Variants in DMRT1 observed in about 807,000 individuals in gnomAD.
DMRT1 encodes doublesex and mab-3 related transcription factor 1, also known as doublesex- and mab-3-related transcription factor 1.
Under a neutral mutation model 32.3 loss-of-function variants are expected in DMRT1, and 7 were observed. The ratio of observed to expected loss-of-function variants is 0.22; its 90% confidence interval spans 0.12 to 0.41. The LOEUF is 0.41. DMRT1 is among the 10% of genes least tolerant of loss of function. The pLI is 1.00. For missense variants in DMRT1, 625 were observed against 500.5 expected, an observed-to-expected ratio of 1.25 and a Z score of -2.37; for synonymous variants, 278 against 206.1, an observed-to-expected ratio of 1.35 and a Z score of -2.99.
rs372179575 is a variant in DMRT1 at position 950,269 on chromosome 9, A to G, written c.968-17716A>G. Reference sequence around the variant, plus strand: ...AGCAAAATCATGATTATCTAGAGAGATACTTGGGCAACAGATTTGTGGATG... The same window carrying G: ...AGCAAAATCATGATTATCTAGAGAGGTACTTGGGCAACAGATTTGTGGATG... On this transcript the variant is annotated intron_variant, in intron 4 of 4. Coordinates refer to ENST00000382276, the MANE Select transcript of DMRT1 (RefSeq NM_021951.3). 1.9e-3 allele frequency among the ~76,000 whole-genome samples: 285 copies of G among 152,214 alleles called. 3 individuals are homozygous for G. Among genetic ancestry groups the G allele is most frequent in the African/African-American group, 6.6e-3 (274 of 41,532 alleles).
At chr9:928,302 G>T (rs966377093) in intron 4 of DMRT1, among the ~76,000 whole-genome samples, 3 of 152,144 alleles carry the variant, frequency 2.0e-5, no homozygotes, top group Non-Finnish European at 4.4e-5. Flanking sequence ...AAAATTCTCT[G>T]TTAAGTATAG....
intron 2 of DMRT1, among the ~76,000 whole-genome samples, chr9:886,137 C>T (rs1206440631): frequency 2.0e-5 from 3 of 152,140 alleles, no homozygotes; most frequent in South Asian, 2.1e-4. Context: ...TTTAAAAGTC[C>T]GTGTTACAGT....
chr9:876,246 G>T (rs1816494968), intron 2 of DMRT1, among the ~76,000 whole-genome samples: 2 of 152,158 alleles, frequency 1.3e-5, no homozygotes, highest in South Asian at 4.1e-4. Context: ...TGAACAAGAA[G>T]CCAGAATTTA....
chr9:870,284 A>G (rs1034793404), intron 2 of DMRT1, among the ~76,000 whole-genome samples: 1 of 152,162 alleles, frequency 6.6e-6, no homozygotes, highest in African/African-American at 2.4e-5. Context: ...CTGTAATCCC[A>G]GCTACTCGGG....
intron 3 of DMRT1, among the ~76,000 whole-genome samples, chr9:911,112 G>A (rs1415919599): frequency 3.9e-5 from 6 of 152,110 alleles, no homozygotes; most frequent in African/African-American, 7.2e-5. Context: ...TCACCTTGGC[G>A]CTGTTCAGGC....
At chr9:842,463 T>C in intron 1 of DMRT1, 1 of 451,678 alleles carries the variant, frequency 2.2e-6, no homozygotes, top group Non-Finnish European at 3.9e-6. Flanking sequence ...CTCGAGCTCC[T>C]GACCTCAGGT....
At chr9:963,442 A>T (rs1457930522) in intron 4 of DMRT1, among the ~76,000 whole-genome samples, 1 of 152,210 alleles carries the variant, frequency 6.6e-6, no homozygotes, top group Non-Finnish European at 1.5e-5. Context: ...AATTTATAGT[A>T]AATGGAGGAG....
chr9:925,760 T>C (rs1309255079), intron 4 of DMRT1, among the ~76,000 whole-genome samples: 1 of 152,212 alleles, frequency 6.6e-6, no homozygotes, highest in Non-Finnish European at 1.5e-5. Context: ...ATCTGGATAA[T>C]GCTATTATCC....
At chr9:893,418 G>C (rs1333034777) in intron 2 of DMRT1, among the ~76,000 whole-genome samples, 3 of 152,214 alleles carry the variant, frequency 2.0e-5, no homozygotes, top group Non-Finnish European at 1.5e-5. Context: ...CCCCTGGTCC[G>C]CACCTTTGGC....
intron 1 of DMRT1, among the ~76,000 whole-genome samples, chr9:843,957 G>T (rs1308722765): frequency 6.6e-6 from 1 of 151,990 alleles, no homozygotes; most frequent in Non-Finnish European, 1.5e-5. Flanking sequence ...ACTGGGTGTG[G>T]CAGTAAAATG....
In DMRT1 at chr9:888,374, C is replaced by T. The variant is rs185926740; in HGVS notation, c.539-5538C>T. Among the ~76,000 whole-genome samples, 127 of 151,514 alleles carry T rather than the reference C, an allele frequency of 8.4e-4. 3 individuals carry two copies. In the South Asian group the frequency reaches 0.012, roughly 15 times the overall value. On this transcript the variant is annotated intron_variant, in intron 2 of 4. Transcript: ENST00000382276. ...AGGCTGGAGTGCAGTGGTGCGATCT[C>T]GGCTCACTGCACCCTCTGCCTCCCA... is the stretch of plus-strand genomic sequence containing the variant.
At chr9:853,724 T>G (rs2132558098) in intron 2 of DMRT1, among the ~76,000 whole-genome samples, 1 of 152,164 alleles carries the variant, frequency 6.6e-6, no homozygotes, top group South Asian at 2.1e-4. Flanking sequence ...AGGTTGGTCT[T>G]GAACTCCTGA....
At chr9:873,508 G>A (rs1015106693) in intron 2 of DMRT1, among the ~76,000 whole-genome samples, 14 of 151,710 alleles carry the variant, frequency 9.2e-5, no homozygotes, top group Non-Finnish European at 1.6e-4. Flanking sequence ...TAGTAGAGAT[G>A]GGGTTTCATC....
chr9:960,917 C>T (rs1486516284), intron 4 of DMRT1, among the ~76,000 whole-genome samples: 1 of 152,172 alleles, frequency 6.6e-6, no homozygotes, highest in Non-Finnish European at 1.5e-5. Flanking sequence ...AGGAACAGGG[C>T]TCAGTTCAGA....
chr9:897,349 C>T (rs946193277), intron 3 of DMRT1, among the ~76,000 whole-genome samples: 2 of 151,660 alleles, frequency 1.3e-5, no homozygotes, highest in Non-Finnish European at 2.9e-5. Flanking sequence ...ATCTCCTGAC[C>T]TCGTGATCCA....
intron 3 of DMRT1, among the ~76,000 whole-genome samples, chr9:916,516 G>C (rs879472844): frequency 6.6e-6 from 1 of 152,038 alleles, no homozygotes; most frequent in Non-Finnish European, 1.5e-5. Context: ...GATCTCACTC[G>C]TGCACTATCA....
chr9:948,021 AT>A (rs1056461054), intron 4 of DMRT1, among the ~76,000 whole-genome samples: 1 of 152,114 alleles, frequency 6.6e-6, no homozygotes, highest in Non-Finnish European at 1.5e-5. Context: ...GAATCAGTTC[AT>A]TTTTCATTTT....
chr9:915,954 C>T (rs904162675), intron 3 of DMRT1, among the ~76,000 whole-genome samples: 4 of 152,046 alleles, frequency 2.6e-5, no homozygotes, highest in East Asian at 1.9e-4. Context: ...AGGATGATCT[C>T]GATTTCCTGA....
At chr9:920,569 T>C (rs77842880) in intron 4 of DMRT1, among the ~76,000 whole-genome samples, 1,576 of 152,118 alleles carry the variant, frequency 0.01, 20 homozygotes, top group African/African-American at 0.035. Context: ...GAGAGAAGAA[T>C]TGGTGCAGTG....
Sources: gnomAD v4.1 joint callset for allele counts (sites outside exome capture counted in the v4.1 genomes callset) on GRCh38, gnomAD v4.1.1 for gene constraint, MANE v1.5 for transcripts, NCBI Gene and HGNC (gene_info 2026-07-23, HGNC 2026-07-21) for gene names.